ACSS3: variants seen among roughly 807,000 people sequenced by gnomAD.
The protein encoded by ACSS3 is acyl-CoA synthetase short chain family member 3.
In ACSS3, 64 loss-of-function variants were observed where a neutral mutation model predicts 84.2. The observed-to-expected ratio is 0.76, with a 90% CI of 0.62 to 0.94. The LOEUF (loss-of-function observed/expected upper bound fraction) is 0.94, where lower values mean the gene tolerates loss of function less well. Ranked by LOEUF, ACSS3 falls within the 40% of genes least tolerant of loss-of-function variation. The probability of loss-of-function intolerance (pLI) is 0.00; values close to 1 mark genes in which losing one functional copy is unlikely to be tolerated. For synonymous variants in ACSS3, 317 were observed against 310.1 expected, an observed-to-expected ratio of 1.02 and a Z score of -0.23; for missense variants, 815 against 867.6, an observed-to-expected ratio of 0.94 and a Z score of 0.76.
At chr12:81,214,007 CATCT>C (rs1236853424) in intron 9 of ACSS3, among the ~76,000 whole-genome samples, 3 of 74,080 alleles carry the variant, frequency 4.0e-5, no homozygotes, top group African/African-American at 1.5e-4. Context: ...TTCTTTCTTT[CATCT>C]GTCTGTCTGT....
chr12:81,211,279 AT>A (rs904204774), intron 9 of ACSS3, among the ~76,000 whole-genome samples: 1 of 151,712 alleles, frequency 6.6e-6, no homozygotes, highest in African/African-American at 2.4e-5. Flanking sequence ...TTTTTTTTTA[AT>A]TTTTAATTTC....
chr12:81,117,957 A>C (rs1025415060), intron 2 of ACSS3: 2 of 152,168 alleles, frequency 1.3e-5, no homozygotes, highest in African/African-American at 4.8e-5. Flanking sequence ...CCAATTATGC[A>C]GCAGTTACCT....
At chr12:81,133,882 A>G (rs73359346) in intron 2 of ACSS3, among the ~76,000 whole-genome samples, 7,477 of 152,152 alleles carry the variant, frequency 0.049, 465 homozygotes, top group African/African-American at 0.14. Flanking sequence ...TATTTTAAGT[A>G]AAAGAATGTT....
chr12:81,078,334 G>A lies in ACSS3; in HGVS notation c.214G>A (p.Asp72Asn), dbSNP rs766079053. 1.5e-5 allele frequency: 24 copies of A among 1,612,382 alleles called. No homozygotes were observed. The highest frequency in any genetic ancestry group is 1.9e-5 in the Non-Finnish European group (23 of 1,179,972). Residue 72 changes from aspartate to asparagine, a missense_variant, in exon 1 of 16, where the codon GAC becomes AAC. By Grantham distance (23) the Asp-to-Asn change is conservative. Coordinates refer to ENST00000548058, the MANE Select transcript of ACSS3 (RefSeq NM_024560.4). ...YKTHFAASVT[D>N]PERFWGKAAE... ...GACCCACTTCGCAGCCTCGGTGACC[G>A]ACCCCGAGAGGTTCTGGGGCAAAGC...
rs146625163 is a variant in ACSS3, at chr12:81,120,635, C to T, written c.456+10931C>T. 1.2e-3 allele frequency among the ~76,000 whole-genome samples: 186 copies of T among 152,050 alleles called. 4 individuals carry two copies. In the East Asian group the frequency reaches 0.029, roughly 23 times the overall value. On this transcript the variant is annotated intron_variant, in intron 2 of 15. Transcript: ENST00000548058. ...TAAGGTTTTCTGAAATAGATAAATACATAGCTATGAAAAATGATGCCACTA... is the reference window on the plus strand; with the variant it reads ...TAAGGTTTTCTGAAATAGATAAATATATAGCTATGAAAAATGATGCCACTA...
rs535161366 is a variant in ACSS3 at position 81,229,347 on chromosome 12, C to T, written c.1515-1710C>T. Among the ~76,000 whole-genome samples, 26 of 151,814 alleles carry T rather than the reference C, an allele frequency of 1.7e-4. No homozygotes were observed. The South Asian group carries it at 2.3e-3, about 13-fold the overall frequency. ...CTCACTAATGTTATCTCTCTTTGTC[C>T]ATATTGACATGTGATTTGCCACTTT... On this transcript the variant is annotated intron_variant, in intron 11 of 15. Coordinates refer to ENST00000548058, the MANE Select transcript of ACSS3 (RefSeq NM_024560.4).
intron 11 of ACSS3, 30 bp from the exon 12 acceptor site, chr12:81,231,027 A>G (rs775233446): frequency 5.2e-6 from 8 of 1,540,802 alleles, no homozygotes; most frequent in Non-Finnish European, 7.1e-6. Context: ...CACTTTCATC[A>G]TAATTTTAAC....
At chr12:81,152,637 A>T (rs1026521054) in intron 7 of ACSS3, among the ~76,000 whole-genome samples, 1 of 152,156 alleles carries the variant, frequency 6.6e-6, no homozygotes, top group Non-Finnish European at 1.5e-5. Flanking sequence ...GCATATAGGA[A>T]ATTTACTTCA....
intron 8 of ACSS3, among the ~76,000 whole-genome samples, chr12:81,198,912 AAT>A (rs1220335525): frequency 4.6e-5 from 7 of 152,216 alleles, no homozygotes; most frequent in African/African-American, 1.7e-4. Context: ...TATTTATAAG[AAT>A]ATTTGCTGCC....
intron 7 of ACSS3, among the ~76,000 whole-genome samples, chr12:81,167,272 A>C (rs1887447309): frequency 6.6e-6 from 1 of 152,168 alleles, no homozygotes; most frequent in Non-Finnish European, 1.5e-5. Flanking sequence ...TGGCTTCATT[A>C]TAAGACCCCA....
At chr12:81,205,239 G>A (rs1384250879) in intron 9 of ACSS3, among the ~76,000 whole-genome samples, 5 of 151,932 alleles carry the variant, frequency 3.3e-5, no homozygotes, top group African/African-American at 9.7e-5. Context: ...TGATTCTAAG[G>A]GTACACATAC....
intron 12 of ACSS3, among the ~76,000 whole-genome samples, chr12:81,231,611 T>C (rs1372584836): frequency 6.6e-6 from 1 of 151,782 alleles, no homozygotes; most frequent in Non-Finnish European, 1.5e-5. Flanking sequence ...GACACCATTT[T>C]TTGAATGTTC....
chr12:81,112,883 G>A (rs1288061455), intron 2 of ACSS3, among the ~76,000 whole-genome samples: 1 of 152,088 alleles, frequency 6.6e-6, no homozygotes, highest in Non-Finnish European at 1.5e-5. Flanking sequence ...AACAAGACAG[G>A]CTACCTTGTC....
intron 7 of ACSS3, among the ~76,000 whole-genome samples, chr12:81,167,415 T>C (rs1887453319): frequency 6.6e-6 from 1 of 152,092 alleles, no homozygotes; most frequent in Non-Finnish European, 1.5e-5. Context: ...ATGGGGTAAT[T>C]TATATAGAAC....
At chr12:81,100,216 GTTTTTTT>G (rs34512313) in intron 1 of ACSS3, among the ~76,000 whole-genome samples, 1 of 106,558 alleles carries the variant, frequency 9.4e-6, no homozygotes, top group African/African-American at 3.4e-5. Flanking sequence ...AAAATTACCA[GTTTTTTT>G]TTTTTTTTTT....
At chr12:81,230,948 G>A (rs2033437136) in intron 11 of ACSS3, 109 bp from the exon 12 acceptor site, 1 of 857,280 alleles carries the variant, frequency 1.2e-6, no homozygotes, top group Non-Finnish European at 1.8e-6. Context: ...ATATTTCAAT[G>A]TAGGATTTGA....
At chr12:81,083,356 G>GTGT in intron 1 of ACSS3, among the ~76,000 whole-genome samples, 1 of 113,830 alleles carries the variant, frequency 8.8e-6, no homozygotes, top group African/African-American at 2.8e-5. Flanking sequence ...TCAGCTTTTG[G>GTGT]TCTTTTTTTT....
chr12:81,113,019 G>A (rs1010508544), intron 2 of ACSS3, among the ~76,000 whole-genome samples: 1 of 152,094 alleles, frequency 6.6e-6, no homozygotes, highest in African/African-American at 2.4e-5. Context: ...TTTGTACAGA[G>A]ATTTGGGCCT....
chr12:81,259,532 C>T lies in ACSS3; in HGVS notation c.*4610C>T, dbSNP rs1424053278. ...GTAATATCTGACTCCCCCCAAAAAT[C>T]ACATTTTTCAGCTTTTAATAAGTCA... On this transcript the variant is annotated 3_prime_UTR_variant, in exon 16 of 16. Coordinates refer to ENST00000548058, the MANE Select transcript of ACSS3 (RefSeq NM_024560.4). 6 of 1,164,556 alleles carry T rather than the reference C, an allele frequency of 5.2e-6. No individual in the cohort carries two copies. The highest frequency in any genetic ancestry group is 7.3e-6 in the Non-Finnish European group (6 of 822,402). 72.1% of individuals were successfully genotyped at this position (1,164,556 alleles called of 1,614,324 possible).
Sources: gnomAD v4.1 joint callset for allele counts (sites outside exome capture counted in the v4.1 genomes callset) on GRCh38, gnomAD v4.1.1 for gene constraint, MANE v1.5 for transcripts, NCBI Gene and HGNC (gene_info 2026-07-23, HGNC 2026-07-21) for gene names.